The following FANCC variants were observed in gnomAD, a reference collection of about 807,000 sequenced individuals.
FANCC encodes Fanconi anemia group C protein.
FANCC carries 55 observed loss-of-function variants against 71.3 expected under a neutral mutation model. The ratio of observed to expected loss-of-function variants is 0.77; its 90% confidence interval spans 0.62 to 0.97. FANCC has a LOEUF of 0.97. Ranked by LOEUF, FANCC falls within the 50% of genes least tolerant of loss-of-function variation. The pLI, the probability that FANCC is intolerant of heterozygous loss-of-function variation, is 0.00. For missense variants in FANCC, 678 were observed against 670.9 expected (o/e 1.01, Z -0.12); for synonymous variants, 275 against 244.9 (o/e 1.12, Z -1.15).
chr9:95,266,193 T>C (rs997098396), intron 1 of FANCC, among the ~76,000 whole-genome samples: 1 of 152,228 alleles, frequency 6.6e-6, no homozygotes, highest in African/African-American at 2.4e-5. Context: ...TAGTTAAATA[T>C]TAACAAACAT....
At chr9:95,204,606 A>G (rs905559989) in intron 4 of FANCC, among the ~76,000 whole-genome samples, 7 of 152,210 alleles carry the variant, frequency 4.6e-5, no homozygotes, top group African/African-American at 1.7e-4. Flanking sequence ...GTATATGTTA[A>G]CCAGTAATAT....
chr9:95,180,607 G>C (rs1826287715), intron 4 of FANCC, among the ~76,000 whole-genome samples: 1 of 151,250 alleles, frequency 6.6e-6, no homozygotes, highest in Non-Finnish European at 1.5e-5. Context: ...CCAAAGCACT[G>C]GGATTATAGG....
chr9:95,291,696 C>T lies in FANCC; in HGVS notation c.-79+25830G>A, dbSNP rs568732877. On this transcript the variant is annotated intron_variant, in intron 1 of 14. Transcript: ENST00000289081. ...GGCACAGTGACTCATGCCTGTAATC[C>T]CAGCACTTTGGGAGGCCGAGGCAGG... 6.6e-5 allele frequency among the ~76,000 whole-genome samples: 10 copies of T among 151,908 alleles called. No individual in the cohort carries two copies. The East Asian group carries it at 1.9e-3, about 29-fold the overall frequency.
chr9:95,255,098 C>T (rs1249777149), intron 1 of FANCC, among the ~76,000 whole-genome samples: 5 of 152,186 alleles, frequency 3.3e-5, no homozygotes, highest in Non-Finnish European at 7.3e-5. Context: ...TGAGACAGAG[C>T]ACCTGGGGGA....
At chr9:95,229,297 CAAA>C (rs34502007) in intron 4 of FANCC, among the ~76,000 whole-genome samples, 17 of 99,414 alleles carry the variant, frequency 1.7e-4, no homozygotes, top group African/African-American at 3.2e-4. Context: ...GATTCCTTCT[CAAA>C]AAAAAAAAAA....
At chr9:95,294,439 G>C in intron 1 of FANCC, 2 of 1,605,006 alleles carry the variant, frequency 1.2e-6, no homozygotes, top group Admixed American at 3.3e-5. Flanking sequence ...TGAGATGTTT[G>C]ACAGACAAAC....
At chr9:95,123,164 G>A (rs1009864248) in intron 10 of FANCC, among the ~76,000 whole-genome samples, 13 of 152,004 alleles carry the variant, frequency 8.6e-5, no homozygotes, top group African/African-American at 2.9e-4. Flanking sequence ...TTAGCTGGGC[G>A]TGGTGGCTTG....
At chr9:95,182,290 GCAGGC>G (rs981112404) in intron 4 of FANCC, among the ~76,000 whole-genome samples, 2 of 151,698 alleles carry the variant, frequency 1.3e-5, no homozygotes, top group Non-Finnish European at 2.9e-5. Flanking sequence ...GGAGGCCGAG[GCAGGC>G]GGATCACAAG....
chr9:95,172,285 T>C (rs908044912), intron 4 of FANCC, 138 bp from the exon 5 acceptor site: 2 of 609,866 alleles, frequency 3.3e-6, no homozygotes, highest in African/African-American at 3.7e-5. Context: ...GTACCCAATT[T>C]ACTTTGATTC....
chr9:95,122,585 G>A (rs777034614), intron 10 of FANCC, among the ~76,000 whole-genome samples: 15 of 152,300 alleles, frequency 9.8e-5, no homozygotes, highest in African/African-American at 2.9e-4. Flanking sequence ...GTGGTCCCAC[G>A]TCCTTAGATA....
chr9:95,149,518 G>T (rs1829993917), intron 7 of FANCC, among the ~76,000 whole-genome samples: 1 of 148,714 alleles, frequency 6.7e-6, no homozygotes, highest in Non-Finnish European at 1.5e-5. Flanking sequence ...TCGCTCTGTT[G>T]CCCAGGCTGG....
At chr9:95,184,237 T>C (rs894068002) in intron 4 of FANCC, among the ~76,000 whole-genome samples, 5 of 152,196 alleles carry the variant, frequency 3.3e-5, no homozygotes, top group African/African-American at 1.2e-4. Context: ...TATACTGGAA[T>C]TGTTTACTTA....
chr9:95,193,087 A>G (rs1406181314), intron 4 of FANCC, among the ~76,000 whole-genome samples: 1 of 152,220 alleles, frequency 6.6e-6, no homozygotes, highest in East Asian at 1.9e-4. Context: ...AGGGGTTTAC[A>G]TTCCAGTGAG....
intron 1 of FANCC, among the ~76,000 whole-genome samples, chr9:95,301,726 A>AT (rs1424142489): frequency 2.0e-5 from 3 of 151,848 alleles, no homozygotes; most frequent in Admixed American, 6.6e-5. Context: ...TTGTTGTTGC[A>AT]TTTTTTCCCT....
At chr9:95,291,958 A>AT in intron 1 of FANCC, among the ~76,000 whole-genome samples, 3 of 108,676 alleles carry the variant, frequency 2.8e-5, no homozygotes, top group Non-Finnish European at 5.7e-5. Context: ...AAAAAAAAAA[A>AT]AAAAAAAAAA....
At chr9:95,295,229 A>C (rs1251864126) in intron 1 of FANCC, among the ~76,000 whole-genome samples, 2 of 152,224 alleles carry the variant, frequency 1.3e-5, no homozygotes, top group Non-Finnish European at 2.9e-5. Context: ...ACAGCAAAGA[A>C]AATAACAGCG....
At chr9:95,277,096 G>A (rs1319168225) in intron 1 of FANCC, among the ~76,000 whole-genome samples, 1 of 152,108 alleles carries the variant, frequency 6.6e-6, no homozygotes, top group Non-Finnish European at 1.5e-5. Context: ...ACAGTTATTA[G>A]CCAAAGATCC....
In FANCC at chr9:95,114,730, C is replaced by T. The variant is rs781438798; in HGVS notation, c.1073-20G>A. 33 of 1,606,454 alleles carry T rather than the reference C, an allele frequency of 2.1e-5. No homozygotes were observed. The highest frequency in any genetic ancestry group is 2.7e-5 in the African/African-American group (2 of 74,770). On this transcript the variant is annotated intron_variant, in intron 11 of 14. Transcript: ENST00000289081. ...GGATATCTGCGGGTGGAGAGAGATA[C>T]GTCAGAGGGCAACTGAGGAAATGTC...
At chr9:95,152,739 C>T (rs1257346571) in intron 6 of FANCC, among the ~76,000 whole-genome samples, 3 of 151,972 alleles carry the variant, frequency 2.0e-5, no homozygotes, top group South Asian at 2.1e-4. Flanking sequence ...ATCCATCACC[C>T]GAGTAGACTG....
Sources: allele counts gnomAD v4.1 joint callset (sites outside exome capture counted in the v4.1 genomes callset), GRCh38; gene constraint gnomAD v4.1.1; transcripts MANE v1.5; gene names NCBI Gene and HGNC (gene_info 2026-07-23, HGNC 2026-07-21).